IL3RA: variants seen among roughly 807,000 people sequenced by gnomAD.
The protein encoded by IL3RA is interleukin 3 receptor subunit alpha.
In IL3RA, 73 loss-of-function variants were observed where a neutral mutation model predicts 52.3. That is an observed-to-expected ratio of 1.40 (90% confidence interval 1.16 to 1.70). IL3RA has a LOEUF of 1.70. Ranked by LOEUF, IL3RA falls within the 40% of genes most tolerant of loss-of-function variation. The probability of loss-of-function intolerance (pLI) is 0.00; values close to 1 mark genes in which losing one functional copy is unlikely to be tolerated. For missense variants in IL3RA, 664 were observed against 504.4 expected, an observed-to-expected ratio of 1.32 and a Z score of -3.03; for synonymous variants, 260 against 194.0, an observed-to-expected ratio of 1.34 and a Z score of -2.83.
intron 3 of IL3RA, among the ~76,000 whole-genome samples, chrX:1,346,918 C>CA (rs1569520207): frequency 6.6e-6 from 1 of 151,360 alleles, no homozygotes; most frequent in Admixed American, 6.6e-5. Context: ...ATCCTACCCC[C>CA]AGCTCCAAAT....
intron 4 of IL3RA, among the ~76,000 whole-genome samples, chrX:1,350,280 C>A (rs1315405740): frequency 4.6e-5 from 7 of 150,652 alleles, no homozygotes; most frequent in Non-Finnish European, 1.0e-4. Flanking sequence ...CATGGTGAAA[C>A]CCCGTCTCTA....
chrX:1,382,624 C>T lies in IL3RA; in HGVS notation c.*159C>T. The T allele has an allele frequency of 1.5e-6, 1 of 682,362 alleles. No homozygotes were observed. Among genetic ancestry groups the T allele is most frequent in the Admixed American group, 2.6e-5 (1 of 38,960 alleles). The allele number at this position is 682,362 out of a possible 1,614,324, so 42.3% of individuals were successfully genotyped here. A position where few individuals can be genotyped will look rare whatever the true frequency, so the allele number is the denominator to read the frequency against. On this transcript the variant is annotated 3_prime_UTR_variant, in exon 12 of 12. Coordinates refer to ENST00000331035, the MANE Select transcript of IL3RA (RefSeq NM_002183.4). ...GCCTGTGTAATTTCGTCCGAAGCTG[C>T]CAGGAAGAAGAACAGAACTTTGTGT... is the stretch of plus-strand genomic sequence containing the variant.
At chrX:1,347,626 AAAAC>A (rs1218138135) in intron 3 of IL3RA, among the ~76,000 whole-genome samples, 1 of 151,550 alleles carries the variant, frequency 6.6e-6, no homozygotes, top group African/African-American at 2.4e-5. Flanking sequence ...TCTTAACAAA[AAAAC>A]AAAGAAACAA....
intron 10 of IL3RA, among the ~76,000 whole-genome samples, chrX:1,379,784 A>T (rs1307396052): frequency 3.2e-4 from 49 of 151,836 alleles, no homozygotes; most frequent in African/African-American, 1.1e-3. Context: ...TTAGAGAAGG[A>T]GTTTTGCTTT....
At chrX:1,370,746 A>C (rs1237381902) in intron 9 of IL3RA, among the ~76,000 whole-genome samples, 10 of 56,828 alleles carry the variant, frequency 1.8e-4, no homozygotes, top group African/African-American at 9.7e-4. Flanking sequence ...AGATGGACTA[A>C]GCCATCTCAT....
intron 9 of IL3RA, among the ~76,000 whole-genome samples, chrX:1,368,597 C>T (rs1400640257): frequency 3.2e-4 from 48 of 151,988 alleles, no homozygotes; most frequent in Admixed American, 5.9e-4. Flanking sequence ...TTTAAAGAGG[C>T]GATTAAGGTA....
intron 2 of IL3RA, among the ~76,000 whole-genome samples, chrX:1,343,002 G>A (rs1454077297): frequency 6.6e-6 from 1 of 151,790 alleles, no homozygotes; most frequent in Non-Finnish European, 1.5e-5. Context: ...TTGAACCCGG[G>A]AGGAGGAGGT....
chrX:1,361,521 G>A (rs1365881903), intron 8 of IL3RA, among the ~76,000 whole-genome samples: 1 of 152,114 alleles, frequency 6.6e-6, no homozygotes, highest in East Asian at 1.9e-4. Context: ...GGAGGACGAG[G>A]TGGGTGGACC....
intron 6 of IL3RA, among the ~76,000 whole-genome samples, chrX:1,354,977 GA>G (rs2086543277): frequency 5.2e-4 from 1 of 1,914 alleles, no homozygotes; most frequent in Non-Finnish European, 1.1e-3. Flanking sequence ...CTGGGGGGAG[GA>G]AGGGGGAGGA....
intron 6 of IL3RA, 59 bp from the exon 7 acceptor site, chrX:1,356,156 GAGAAAA>G (rs2086687030): frequency 5.7e-6 from 6 of 1,055,916 alleles, no homozygotes; most frequent in Middle Eastern, 2.1e-4. Flanking sequence ...GAAAAAAAAA[GAGAAAA>G]AGAAAAAGAA....
intron 4 of IL3RA, among the ~76,000 whole-genome samples, 159 bp downstream of exon 4, chrX:1,348,704 C>CTTTCTTTCTCTTTCTT (rs1203615275): frequency 2.5e-5 from 2 of 79,160 alleles, no homozygotes; most frequent in African/African-American, 6.7e-5. Context: ...TTCTTTCTTT[C>CTTTCTTTCTCTTTCTT]TGTTTCTGTT....
intron 2 of IL3RA, among the ~76,000 whole-genome samples, chrX:1,344,250 ATGG>A (rs2085627967): frequency 6.6e-6 from 1 of 151,888 alleles, no homozygotes; most frequent in Non-Finnish European, 1.5e-5. Flanking sequence ...CCTGGCCAAC[ATGG>A]TGAAACCCCA....
intron 8 of IL3RA, among the ~76,000 whole-genome samples, chrX:1,359,540 CTCTA>C (rs1174178217): frequency 4.7e-4 from 70 of 150,272 alleles, no homozygotes; most frequent in African/African-American, 1.6e-3. Context: ...TTTTCCCTCC[CTCTA>C]TCTTTCTGGC....
chrX:1,338,569 A>G (rs1298295421), intron 1 of IL3RA, among the ~76,000 whole-genome samples: 1 of 152,258 alleles, frequency 6.6e-6, no homozygotes, highest in African/African-American at 2.4e-5. Flanking sequence ...AGGCTCTGCC[A>G]CAGGTGGCAA....
At chrX:1,351,090 C>T (rs2086063732) in intron 4 of IL3RA, among the ~76,000 whole-genome samples, 1 of 151,842 alleles carries the variant, frequency 6.6e-6, no homozygotes, top group African/African-American at 2.4e-5. Flanking sequence ...GCCTGTTGTC[C>T]CAGATACTTG....
At chrX:1,356,360 C>G in intron 7 of IL3RA, 24 bp downstream of exon 7, 3 of 1,371,346 alleles carry the variant, frequency 2.2e-6, no homozygotes, top group Non-Finnish European at 1.0e-6. Context: ...CCGCCCCCAG[C>G]CCCCCCACCC....
At chrX:1,348,771 T>C (rs2085937458) in intron 4 of IL3RA, among the ~76,000 whole-genome samples, 1 of 148,748 alleles carries the variant, frequency 6.7e-6, no homozygotes, top group Non-Finnish European at 1.5e-5. Flanking sequence ...TTCTTTTCTT[T>C]CTCTTTCCCT....
chrX:1,353,938 ATGGGACCCCCCCCCCCATCATGGGTCG>A (rs1376648769), intron 6 of IL3RA, among the ~76,000 whole-genome samples: 3 of 93,220 alleles, frequency 3.2e-5, no homozygotes, highest in African/African-American at 4.8e-5. Flanking sequence ...ATCATGGGTC[ATGGGACCCCCCCCCCCATCATGGGTCG>A]TGGGACCCCC....
At chrX:1,362,537 CCT>C (rs368213677) in intron 8 of IL3RA, among the ~76,000 whole-genome samples, 6 of 145,686 alleles carry the variant, frequency 4.1e-5, no homozygotes, top group East Asian at 2.0e-4. Flanking sequence ...TTTCTCTCTC[CCT>C]CTCTCTGTCT....
Sources: gnomAD v4.1 joint callset for allele counts (sites outside exome capture counted in the v4.1 genomes callset) on GRCh38, gnomAD v4.1.1 for gene constraint, MANE v1.5 for transcripts, NCBI Gene and HGNC (gene_info 2026-07-23, HGNC 2026-07-21) for gene names.